The following RAB10 variants were observed in gnomAD, a reference collection of about 807,000 sequenced individuals.
The protein encoded by RAB10 is RAB10, member RAS oncogene family.
RAB10 carries 5 observed loss-of-function variants against 25.7 expected under a neutral mutation model. That is an observed-to-expected ratio of 0.19 (90% CI 0.10 to 0.41). The LOEUF is 0.41. Among genes scored for constraint, RAB10 ranks in the 10% least tolerant of loss-of-function variants. The pLI, the probability that RAB10 is intolerant of heterozygous loss-of-function variation, is 1.00. For synonymous variants in RAB10, 89 were observed against 86.4 expected (o/e 1.03, Z -0.16); for missense variants, 103 against 245.8 (o/e 0.42, Z 3.89).
chr2:26,042,120 TG>T (rs2149261366), intron 1 of RAB10, among the ~76,000 whole-genome samples: 1 of 152,286 alleles, frequency 6.6e-6, no homozygotes, highest in South Asian at 2.1e-4. Context: ...ATACTGGATG[TG>T]CTACCTTTTG....
At chr2:26,066,199 C>T (rs1299519900) in intron 1 of RAB10, among the ~76,000 whole-genome samples, 1 of 151,954 alleles carries the variant, frequency 6.6e-6, no homozygotes, top group Non-Finnish European at 1.5e-5. Flanking sequence ...CATCAGTTGT[C>T]TCTGGGAATT....
chr2:26,057,620 T>TTTCATTCATTTATTCATTCATTCATTCA (rs1666296317), intron 1 of RAB10, among the ~76,000 whole-genome samples: 2 of 149,076 alleles, frequency 1.3e-5, no homozygotes, highest in Admixed American at 6.7e-5. Flanking sequence ...GGCAAGTTTC[T>TTTCATTCATTTATTCATTCATTCATTCA]TTCATTCATT....
chr2:26,056,572 A>G (rs1379355493), intron 1 of RAB10, among the ~76,000 whole-genome samples: 1 of 152,118 alleles, frequency 6.6e-6, no homozygotes, highest in Non-Finnish European at 1.5e-5. Flanking sequence ...TCTTTTATCA[A>G]TCTCTGAGTA....
chr2:26,054,087 G>A (rs13384576), intron 1 of RAB10, among the ~76,000 whole-genome samples: 17 of 123,276 alleles, frequency 1.4e-4, no homozygotes, highest in Non-Finnish European at 2.6e-4. Context: ...TTGCTCTGTC[G>A]CCCAGGGTGG....
chr2:26,102,657 C>G (rs1293315532), intron 2 of RAB10, among the ~76,000 whole-genome samples: 1 of 152,110 alleles, frequency 6.6e-6, no homozygotes, highest in East Asian at 1.9e-4. Context: ...CCAGTATGGT[C>G]TCGATCTCCT....
At chr2:26,088,428 A>C (rs139687791) in intron 1 of RAB10, among the ~76,000 whole-genome samples, 2,304 of 152,318 alleles carry the variant, frequency 0.015, 40 homozygotes, top group African/African-American at 0.04. Flanking sequence ...GTTTGGATCA[A>C]ACCCTGTGAT....
intron 1 of RAB10, among the ~76,000 whole-genome samples, chr2:26,062,310 T>TC (rs1666416254): frequency 6.6e-6 from 1 of 152,140 alleles, no homozygotes. Context: ...CAATACTTTT[T>TC]CCAGTGGATC....
At chr2:26,072,845 G>A (rs1666656786) in intron 1 of RAB10, among the ~76,000 whole-genome samples, 1 of 152,146 alleles carries the variant, frequency 6.6e-6, no homozygotes, top group African/African-American at 2.4e-5. Flanking sequence ...ATGTTAACAT[G>A]GATTGGATTT....
At chr2:26,131,073 T>C (rs1668004450) in intron 5 of RAB10, among the ~76,000 whole-genome samples, 1 of 150,902 alleles carries the variant, frequency 6.6e-6, no homozygotes, top group Non-Finnish European at 1.5e-5. Context: ...CCATTATATA[T>C]ATAATTTTGT....
chr2:26,038,856 C>A (rs1041210765), intron 1 of RAB10, among the ~76,000 whole-genome samples: 6 of 144,942 alleles, frequency 4.1e-5, no homozygotes, highest in African/African-American at 1.5e-4. Context: ...CAGAAGGTGG[C>A]GGAGCTTGCA....
chr2:26,066,939 C>T (rs931132110), intron 1 of RAB10, among the ~76,000 whole-genome samples: 4 of 152,054 alleles, frequency 2.6e-5, no homozygotes, highest in Admixed American at 6.6e-5. Flanking sequence ...CATGCCACCA[C>T]GCCAGGCTAA....
chr2:26,101,989 A>T (rs1235881804), intron 2 of RAB10: 1 of 152,282 alleles, frequency 6.6e-6, no homozygotes, highest in Non-Finnish European at 1.5e-5. Flanking sequence ...CACCTTGGTG[A>T]CAGAGAGCTA....
chr2:26,123,917 C>T (rs1435216591), intron 3 of RAB10, among the ~76,000 whole-genome samples: 1 of 152,164 alleles, frequency 6.6e-6, no homozygotes, highest in Non-Finnish European at 1.5e-5. Flanking sequence ...TCCACCTTCT[C>T]TACCTCTTCT....
intron 1 of RAB10, among the ~76,000 whole-genome samples, chr2:26,045,083 C>T (rs1325631230): frequency 6.6e-6 from 1 of 151,306 alleles, no homozygotes; most frequent in East Asian, 1.9e-4. Flanking sequence ...TTGTCCTTTG[C>T]CATCTTAGCG....
chr2:26,095,966 C>A (rs1667202427), intron 1 of RAB10, among the ~76,000 whole-genome samples: 1 of 152,186 alleles, frequency 6.6e-6, no homozygotes, highest in African/African-American at 2.4e-5. Context: ...ACAGCCCTGC[C>A]ACTGCCGAAG....
chr2:26,046,152 C>T (rs893363871), intron 1 of RAB10, among the ~76,000 whole-genome samples: 1 of 152,108 alleles, frequency 6.6e-6, no homozygotes, highest in Non-Finnish European at 1.5e-5. Flanking sequence ...TGGAGAAACC[C>T]TGTTTCTACT....
intron 1 of RAB10, among the ~76,000 whole-genome samples, chr2:26,068,000 G>A (rs532161607): frequency 1.3e-5 from 2 of 152,294 alleles, no homozygotes; most frequent in Non-Finnish European, 2.9e-5. Flanking sequence ...TCAAACCAGA[G>A]TAGTTCTCTA....
At chr2:26,108,913 ATTTATTTATTT>A (rs1559595414) in intron 2 of RAB10, among the ~76,000 whole-genome samples, 1 of 150,044 alleles carries the variant, frequency 6.7e-6, no homozygotes, top group African/African-American at 2.4e-5. Context: ...TTATTTATTT[ATTTATTTATTT>A]ATTTTGAGAC....
intron 1 of RAB10, among the ~76,000 whole-genome samples, chr2:26,089,438 AGAG>A (rs1197788389): frequency 1.5e-4 from 21 of 143,804 alleles, no homozygotes; most frequent in African/African-American, 5.4e-4. Context: ...AAAAAAAAAA[AGAG>A]AGAGTGATGG....
Sources: allele counts gnomAD v4.1 joint callset (sites outside exome capture counted in the v4.1 genomes callset), GRCh38; gene constraint gnomAD v4.1.1; transcripts MANE v1.5; gene names NCBI Gene and HGNC (gene_info 2026-07-23, HGNC 2026-07-21).